DNER: variants seen among roughly 807,000 people sequenced by gnomAD.
DNER encodes delta and Notch-like epidermal growth factor-related receptor.
Under a neutral mutation model 78.2 loss-of-function variants are expected in DNER, and 33 were observed. The observed-to-expected ratio is 0.42, with a 90% CI of 0.32 to 0.56. The LOEUF (loss-of-function observed/expected upper bound fraction) is 0.56. Among genes scored for constraint, DNER ranks in the 20% least tolerant of loss-of-function variants. The pLI is 0.11. For missense variants in DNER, 918 were observed against 975.3 expected (o/e 0.94, Z 0.78); for synonymous variants, 417 against 384.8 (o/e 1.08, Z -0.98).
chr2:229,641,503 T>G (rs1221356110), intron 1 of DNER, among the ~76,000 whole-genome samples: 2 of 140,136 alleles, frequency 1.4e-5, no homozygotes, highest in Non-Finnish European at 3.1e-5. Context: ...CTAGAAGAAT[T>G]TTCCCTCCCC....
chr2:229,667,490 GACTA>G (rs1699113257), intron 1 of DNER, among the ~76,000 whole-genome samples: 1 of 61,534 alleles, frequency 1.6e-5, no homozygotes, highest in African/African-American at 4.7e-5. Context: ...CATCCTTAAT[GACTA>G]TTACATAAAT....
intron 11 of DNER, among the ~76,000 whole-genome samples, chr2:229,376,487 A>T (rs1334118435): frequency 2.6e-5 from 4 of 152,236 alleles, no homozygotes; most frequent in Non-Finnish European, 4.4e-5. Flanking sequence ...AGACAGGTGC[A>T]TATATAGAAT....
intron 1 of DNER, among the ~76,000 whole-genome samples, chr2:229,615,709 C>T (rs1390070006): frequency 1.3e-5 from 2 of 151,660 alleles, no homozygotes; most frequent in Non-Finnish European, 2.9e-5. Context: ...AAGACTCTGT[C>T]TCAAACAAAA....
At chr2:229,667,890 C>T (rs187015654) in intron 1 of DNER, among the ~76,000 whole-genome samples, 1 of 152,184 alleles carries the variant, frequency 6.6e-6, no homozygotes, top group Non-Finnish European at 1.5e-5. Flanking sequence ...AGGCTCCACC[C>T]TTCACCAGGG....
chr2:229,499,502 T>C (rs944905566), intron 6 of DNER, among the ~76,000 whole-genome samples: 1 of 146,350 alleles, frequency 6.8e-6, no homozygotes, highest in Non-Finnish European at 1.5e-5. Flanking sequence ...CTAAAATAAA[T>C]GGTGGTGGGA....
chr2:229,390,722 C>T (rs1259420476), intron 10 of DNER, among the ~76,000 whole-genome samples: 1 of 152,212 alleles, frequency 6.6e-6, no homozygotes, highest in Non-Finnish European at 1.5e-5. Context: ...TTAAATGACG[C>T]AAATTAATGA....
chr2:229,649,943 C>T (rs191254389), intron 1 of DNER, among the ~76,000 whole-genome samples: 29 of 151,994 alleles, frequency 1.9e-4, no homozygotes, highest in African/African-American at 6.8e-4. Flanking sequence ...GGCGTGGTGG[C>T]AGCCACCTGT....
chr2:229,657,637 C>T (rs974663589), intron 1 of DNER, among the ~76,000 whole-genome samples: 1 of 152,180 alleles, frequency 6.6e-6, no homozygotes, highest in Non-Finnish European at 1.5e-5. Flanking sequence ...TTGCTTAGTG[C>T]CATACGATGT....
intron 8 of DNER, among the ~76,000 whole-genome samples, chr2:229,421,193 C>G (rs1693756053): frequency 1.3e-5 from 2 of 152,016 alleles, no homozygotes; most frequent in Admixed American, 1.3e-4. Context: ...CTGTATGGTT[C>G]CACCTATATG....
In DNER at chr2:229,586,638, C is replaced by T. The variant is rs562161626; in HGVS notation, c.681-614G>A. 6.7e-3 allele frequency: 6,605 copies of T among 984,912 alleles called. 26 individuals are homozygous for T. Among genetic ancestry groups the T allele is most frequent in the Non-Finnish European group, 7.5e-3 (6,251 of 829,914 alleles). 61.0% of individuals were successfully genotyped at this position (984,912 alleles called of 1,614,324 possible). A position where few individuals can be genotyped will look rare whatever the true frequency, so the allele number is the denominator to read the frequency against. On this transcript the variant is annotated intron_variant, in intron 3 of 12. Coordinates refer to ENST00000341772, the MANE Select transcript of DNER (RefSeq NM_139072.4). ...CCCAGCTGCCCTCCTGCGCTTTTCT[C>T]CTCACAGCCCAATGCTTCAGCTACT... is the stretch of plus-strand genomic sequence containing the variant.
At chr2:229,542,436 G>A (rs969819028) in intron 5 of DNER, among the ~76,000 whole-genome samples, 1 of 152,014 alleles carries the variant, frequency 6.6e-6, no homozygotes, top group African/African-American at 2.4e-5. Context: ...ATACGCCCTC[G>A]CCCAAGTGCC....
chr2:229,428,794 A>T (rs865864970), intron 8 of DNER, among the ~76,000 whole-genome samples: 30 of 152,248 alleles, frequency 2.0e-4, no homozygotes, highest in Middle Eastern at 3.4e-3. Flanking sequence ...GCCTTATGTA[A>T]GAAGACACAA....
intron 8 of DNER, among the ~76,000 whole-genome samples, chr2:229,433,377 C>T (rs1018419925): frequency 2.0e-5 from 3 of 152,192 alleles, no homozygotes; most frequent in African/African-American, 7.2e-5. Flanking sequence ...ATCTACCAGC[C>T]ATCGGCACAT....
chr2:229,528,544 G>A (rs1253566380), intron 5 of DNER, among the ~76,000 whole-genome samples: 2 of 152,178 alleles, frequency 1.3e-5, no homozygotes, highest in Admixed American at 1.3e-4. Flanking sequence ...GGCAATTTCA[G>A]TAAATGCTGG....
rs769073923 is a variant in DNER at position 229,591,566 on chromosome 2, T to A, written c.585+14A>T. The A allele has an allele frequency of 6.2e-7, 1 of 1,609,618 alleles. No individual in the cohort carries two copies. Among genetic ancestry groups the A allele is most frequent in the African/African-American group, 1.3e-5 (1 of 74,836 alleles). On this transcript the variant is annotated intron_variant, in intron 2 of 12. Coordinates refer to ENST00000341772, the MANE Select transcript of DNER (RefSeq NM_139072.4). This position sits in a 1 kb window ranked among gnomAD's most constrained non-coding sequence, Gnocchi z 4.6. ...GTTTCTAATGTAAAAATGCACATGA[T>A]ATAACGTTCTCACCTCCACTTGATC...
At chr2:229,663,523 C>T (rs1288084887) in intron 1 of DNER, among the ~76,000 whole-genome samples, 1 of 152,162 alleles carries the variant, frequency 6.6e-6, no homozygotes, top group Non-Finnish European at 1.5e-5. Flanking sequence ...TAAAAGAGTA[C>T]AAAATCAGGC....
chr2:229,525,841 C>A (rs1415594987), intron 5 of DNER, among the ~76,000 whole-genome samples: 1 of 152,174 alleles, frequency 6.6e-6, no homozygotes, highest in Non-Finnish European at 1.5e-5. Flanking sequence ...TCTCAAACTC[C>A]TGACCTCAGA....
At chr2:229,418,279 C>A in intron 8 of DNER, 49 bp from the exon 9 acceptor site, 1 of 1,611,070 alleles carries the variant, frequency 6.2e-7, no homozygotes, top group Non-Finnish European at 8.5e-7. Flanking sequence ...CCATTTACAA[C>A]CCACGCGGGA....
In DNER at chr2:229,684,004, G is replaced by T. The variant is rs75112464; in HGVS notation, c.276+30144C>A. Among the ~76,000 whole-genome samples the T allele has an allele frequency of 3.4e-3, 518 of 152,268 alleles. 24 individuals carry two copies. The East Asian group carries it at 0.094, about 28-fold the overall frequency. On this transcript the variant is annotated intron_variant, in intron 1 of 12. Coordinates refer to ENST00000341772, the MANE Select transcript of DNER (RefSeq NM_139072.4). The stretch of plus-strand genomic sequence containing the variant: ...GAATAAGACACCTAAGGCTGGTCTT[G>T]TGGGAGAGCTGATACTGAAACCCTT...
Sources: allele counts gnomAD v4.1 joint callset (sites outside exome capture counted in the v4.1 genomes callset), GRCh38; gene constraint gnomAD v4.1.1; non-coding constraint Gnocchi (gnomAD v3.1); transcripts MANE v1.5; gene names NCBI Gene and HGNC (gene_info 2026-07-23, HGNC 2026-07-21).